Variants in HIVEP3 observed in about 807,000 individuals in gnomAD.
The protein encoded by HIVEP3 is transcription factor HIVEP3.
HIVEP3 carries 49 observed loss-of-function variants against 152.8 expected under a neutral mutation model. That is an observed-to-expected ratio of 0.32 (90% CI 0.26 to 0.41). The LOEUF (loss-of-function observed/expected upper bound fraction) is 0.41. Among genes scored for constraint, HIVEP3 ranks in the 10% least tolerant of loss-of-function variants. HIVEP3 has a pLI of 1.00. For synonymous variants in HIVEP3, 1,269 were observed against 1,289.0 expected (o/e 0.98, Z 0.33); for missense variants, 2,790 against 3,103.3 (o/e 0.90, Z 2.40).
At chr1:41,865,080 G>A (rs1337006779) in intron 1 of HIVEP3, among the ~76,000 whole-genome samples, 1 of 152,140 alleles carries the variant, frequency 6.6e-6, no homozygotes, top group Non-Finnish European at 1.5e-5. Context: ...GACCCCATTA[G>A]GTGGTTAACT....
At chr1:41,948,616 A>G (rs1645088051) in intron 1 of HIVEP3, among the ~76,000 whole-genome samples, 1 of 152,142 alleles carries the variant, frequency 6.6e-6, no homozygotes, top group Admixed American at 6.5e-5. Context: ...CCCTCCAGGA[A>G]ACCAAGTCCC....
chr1:41,808,386 T>C (rs963878349), intron 1 of HIVEP3, among the ~76,000 whole-genome samples: 1 of 152,242 alleles, frequency 6.6e-6, no homozygotes, highest in South Asian at 2.1e-4. Context: ...CCTCCTTCTA[T>C]TGAGTTCCCC....
rs571637348 is a variant in HIVEP3 at position 41,507,839 on chromosome 1, C to T, written c.*2612G>A. 2.0e-5 allele frequency: 3 copies of T among 152,428 alleles called. No individual in the cohort carries two copies. Among genetic ancestry groups the T allele is most frequent in the Middle Eastern group, 3.4e-3 (1 of 294 alleles). 9.4% of individuals were successfully genotyped at this position (152,428 alleles called of 1,614,324 possible). On this transcript the variant is annotated 3_prime_UTR_variant, in exon 9 of 9. Transcript: ENST00000372583. ...AGAGCTGTGCCCAGTGACATATACC[C>T]AGGCTGGTGGCATTGGTTCTGTCCC...
At chr1:41,538,757 CTGACCA>C (rs1387078759) in intron 5 of HIVEP3, among the ~76,000 whole-genome samples, 1 of 147,294 alleles carries the variant, frequency 6.8e-6, no homozygotes, top group Non-Finnish European at 1.5e-5. Context: ...TACCCCATTT[CTGACCA>C]GATAGTGGGG....
Position 41,706,562 on chromosome 1 carries a change from G to A in HIVEP3, c.-800-5567C>T, listed in dbSNP as rs186080674. 1.1e-4 allele frequency among the ~76,000 whole-genome samples: 17 copies of A among 152,372 alleles called. No homozygotes were observed. The East Asian group carries it at 3.1e-3, about 28-fold the overall frequency. On this transcript the variant is annotated intron_variant, in intron 1 of 8. Coordinates refer to ENST00000372583, the MANE Select transcript of HIVEP3 (RefSeq NM_024503.5). ...CTTCCAAAGTGCTGGGATTACAGGC[G>A]TAAGCCACCGTGCCAGGCTGGAATA... is the stretch of plus-strand genomic sequence containing the variant.
chr1:41,752,325 C>T (rs1467312457), intron 1 of HIVEP3, among the ~76,000 whole-genome samples: 1 of 152,178 alleles, frequency 6.6e-6, no homozygotes, highest in Non-Finnish European at 1.5e-5. Context: ...GGGGAGCCCT[C>T]ACTGAATGCC....
At chr1:41,645,552 C>T (rs901661500) in intron 2 of HIVEP3, among the ~76,000 whole-genome samples, 1 of 152,248 alleles carries the variant, frequency 6.6e-6, no homozygotes, top group Admixed American at 6.5e-5. Context: ...CAACCTATGG[C>T]TTCTGGCCAT....
At chr1:41,531,147 G>A (rs914208683) in intron 5 of HIVEP3, among the ~76,000 whole-genome samples, 1 of 149,230 alleles carries the variant, frequency 6.7e-6, no homozygotes, top group Non-Finnish European at 1.5e-5. Context: ...AGAGATGGAG[G>A]ACAGGAGAGA....
At chr1:41,552,421 T>C (rs528774678) in intron 5 of HIVEP3, among the ~76,000 whole-genome samples, 2 of 144,810 alleles carry the variant, frequency 1.4e-5, no homozygotes, top group Admixed American at 1.4e-4. Context: ...CCTGTGTCCA[T>C]GTATTCTCAT....
intron 2 of HIVEP3, among the ~76,000 whole-genome samples, chr1:41,669,909 T>C (rs1447546568): frequency 3.3e-5 from 5 of 152,190 alleles, no homozygotes; most frequent in Admixed American, 2.0e-4. Context: ...TAGAGAACCC[T>C]TATAGATGTC....
At chr1:41,517,960 C>T (rs141353854) in intron 7 of HIVEP3, among the ~76,000 whole-genome samples, 3 of 152,248 alleles carry the variant, frequency 2.0e-5, no homozygotes, top group African/African-American at 7.2e-5. Flanking sequence ...TGTGGAGCTT[C>T]GGAGAGTATG....
At chr1:41,592,907 C>T (rs932410549) in intron 3 of HIVEP3, among the ~76,000 whole-genome samples, 5 of 152,206 alleles carry the variant, frequency 3.3e-5, no homozygotes, top group South Asian at 2.1e-4. Flanking sequence ...TCCTGGACAC[C>T]GGCTTCTGCC....
intron 1 of HIVEP3, among the ~76,000 whole-genome samples, chr1:41,799,414 A>T (rs1375195830): frequency 2.0e-5 from 3 of 152,164 alleles, no homozygotes; most frequent in Non-Finnish European, 4.4e-5. Flanking sequence ...CCAGCCTAGA[A>T]TGCTGTTCCC....
chr1:41,531,556 A>G (rs111162021), intron 5 of HIVEP3, among the ~76,000 whole-genome samples: 64 of 39,646 alleles, frequency 1.6e-3, no homozygotes, highest in African/African-American at 1.8e-3. Flanking sequence ...GGAGGACAGG[A>G]GAGATGGAAG....
chr1:41,675,648 A>G (rs1213356161), intron 2 of HIVEP3, among the ~76,000 whole-genome samples: 1 of 152,184 alleles, frequency 6.6e-6, no homozygotes, highest in African/African-American at 2.4e-5. Context: ...CTGGGATCAG[A>G]GAACTGATCA....
At position 41,582,185 on chromosome 1, in the gene HIVEP3, T is replaced by C; in HGVS notation, c.2613A>G (p.Pro871=). Residue 871 remains proline (P), a synonymous_variant, in exon 4 of 9, where the codon CCA becomes CCG. Transcript: ENST00000372583. The surrounding 1 kb of genome is among the most constrained non-coding windows in gnomAD (Gnocchi z 4.7). ...TCTCAGGTTCCTTAGGGGGCGGCTC[T>C]GGCTCTGTGTCCGGCCGGTCAGGCT... is the stretch of plus-strand genomic sequence containing the variant. ...TEEPDRPDTE[P]EPPPKEPEKT... 6.2e-7 allele frequency: 1 copy of C among 1,614,094 alleles called. No individual in the cohort carries two copies. The highest frequency in any genetic ancestry group is 8.5e-7 in the Non-Finnish European group (1 of 1,179,988).
intron 1 of HIVEP3, among the ~76,000 whole-genome samples, chr1:42,025,146 G>A (rs752674217): frequency 7.2e-5 from 11 of 152,084 alleles, no homozygotes; most frequent in African/African-American, 9.7e-5. Context: ...AATTAAATGC[G>A]TGTTAGATCT....
At chr1:41,864,418 G>C (rs1404500263) in intron 1 of HIVEP3, among the ~76,000 whole-genome samples, 2 of 152,232 alleles carry the variant, frequency 1.3e-5, no homozygotes, top group Non-Finnish European at 2.9e-5. Context: ...GGAAAGAACA[G>C]ATCAAGGAGG....
chr1:41,860,303 A>G (rs1205340757), intron 1 of HIVEP3, among the ~76,000 whole-genome samples: 1 of 152,196 alleles, frequency 6.6e-6, no homozygotes, highest in African/African-American at 2.4e-5. Flanking sequence ...GTGGTCATAG[A>G]TCAAATCCTA....
Sources: allele counts gnomAD v4.1 joint callset (sites outside exome capture counted in the v4.1 genomes callset), GRCh38; gene constraint gnomAD v4.1.1; non-coding constraint Gnocchi (gnomAD v3.1); transcripts MANE v1.5; gene names NCBI Gene and HGNC (gene_info 2026-07-23, HGNC 2026-07-21).